Variants in KIAA0232 observed in about 807,000 individuals in gnomAD.
The protein encoded by KIAA0232 is KIAA0232, also known as uncharacterized protein KIAA0232.
Under a neutral mutation model 122.0 loss-of-function variants are expected in KIAA0232, and 27 were observed. The observed-to-expected ratio is 0.22, with a 90% confidence interval of 0.16 to 0.31. KIAA0232 has a LOEUF of 0.31. Among genes scored for constraint, KIAA0232 ranks in the 10% least tolerant of loss-of-function variants. KIAA0232 has a pLI of 1.00. For missense variants in KIAA0232, 1,551 were observed against 1,634.2 expected, an observed-to-expected ratio of 0.95 and a Z score of 0.88; for synonymous variants, 613 against 587.6, an observed-to-expected ratio of 1.04 and a Z score of -0.63.
intron 3 of KIAA0232, among the ~76,000 whole-genome samples, chr4:6,834,091 CTTA>C (rs200222869): frequency 6.6e-6 from 1 of 151,966 alleles, no homozygotes; most frequent in Non-Finnish European, 1.5e-5. Context: ...CATTTCTTTT[CTTA>C]TTATTATTAT....
At chr4:6,795,968 A>G (rs983543995) in intron 1 of KIAA0232, among the ~76,000 whole-genome samples, 2 of 152,168 alleles carry the variant, frequency 1.3e-5, no homozygotes, top group Non-Finnish European at 2.9e-5. Context: ...ATGGAAATAG[A>G]GAAGTCCAAG....
intron 2 of KIAA0232, among the ~76,000 whole-genome samples, chr4:6,806,463 G>A (rs1408380072): frequency 3.3e-5 from 5 of 152,020 alleles, no homozygotes; most frequent in Non-Finnish European, 5.9e-5. Context: ...GAGGCCTGGC[G>A]GTGGCTCATG....
chr4:6,807,295 T>C (rs904766256), intron 2 of KIAA0232, among the ~76,000 whole-genome samples: 1 of 152,246 alleles, frequency 6.6e-6, no homozygotes, highest in Non-Finnish European at 1.5e-5. Flanking sequence ...TCTCTTGCTA[T>C]CAAGTAGTAA....
intron 1 of KIAA0232, among the ~76,000 whole-genome samples, chr4:6,797,685 G>C (rs1471680519): frequency 6.6e-6 from 1 of 150,990 alleles, no homozygotes; most frequent in Non-Finnish European, 1.5e-5. Flanking sequence ...AGGATTGCTT[G>C]AGCCCAGGAA....
chr4:6,863,497 T>G lies in KIAA0232; in HGVS notation c.3115T>G (p.Phe1039Val). 3 of 1,614,168 alleles carry G rather than the reference T, an allele frequency of 1.9e-6. No individual in the cohort carries two copies. The highest frequency in any genetic ancestry group is 2.2e-5 in the East Asian group (1 of 44,886). Residue 1039 changes from phenylalanine to valine, a missense_variant, in exon 7 of 10, where the codon TTT becomes GTT. Physicochemically the swap from Phe to Val is conservative, Grantham distance 50 (BLOSUM62 -1). Transcript: ENST00000307659. Reference sequence around the variant, plus strand: ...CGAAGATCCTGGACTTGAATACTCATTTTCTTCCTTTGACTTAAGCAATCC... The same window carrying G: ...CGAAGATCCTGGACTTGAATACTCAGTTTCTTCCTTTGACTTAAGCAATCC... ...QVEDPGLEYS[F>V]SSFDLSNPFS... is the part of the protein sequence containing the mutation.
chr4:6,845,761 G>A (rs1176546451), intron 4 of KIAA0232, among the ~76,000 whole-genome samples: 1 of 152,138 alleles, frequency 6.6e-6, no homozygotes, highest in East Asian at 1.9e-4. Context: ...CCTAGCCTTT[G>A]ACTCACGGTT....
chr4:6,785,478 T>A (rs1012869147), intron 1 of KIAA0232, among the ~76,000 whole-genome samples: 1 of 152,242 alleles, frequency 6.6e-6, no homozygotes, highest in Non-Finnish European at 1.5e-5. Context: ...ATGACACCTG[T>A]TTCACAGAAT....
At chr4:6,851,122 C>A (rs1234124679) in intron 4 of KIAA0232, among the ~76,000 whole-genome samples, 1 of 152,180 alleles carries the variant, frequency 6.6e-6, no homozygotes, top group East Asian at 1.9e-4. Context: ...ATGGCCCTAA[C>A]CAGAATGTTA....
chr4:6,836,335 T>G (rs1258242714), intron 3 of KIAA0232, among the ~76,000 whole-genome samples: 52 of 151,100 alleles, frequency 3.4e-4, no homozygotes, highest in African/African-American at 1.2e-3. Flanking sequence ...TTTTTTGTTT[T>G]GTTTTTTTTT....
chr4:6,842,233 AAG>A, intron 4 of KIAA0232, 29 bp downstream of exon 4: 1 of 1,556,870 alleles, frequency 6.4e-7, no homozygotes, highest in East Asian at 2.4e-5. Context: ...TCTAACACTT[AAG>A]AGAATAAAAG....
At chr4:6,803,448 T>C (rs1287554266) in intron 1 of KIAA0232, among the ~76,000 whole-genome samples, 1 of 152,196 alleles carries the variant, frequency 6.6e-6, no homozygotes. Context: ...GTTATCTGGT[T>C]ACTGGTAGTT....
chr4:6,783,862 A>G (rs1270683257), intron 1 of KIAA0232, among the ~76,000 whole-genome samples: 1 of 152,054 alleles, frequency 6.6e-6, no homozygotes, highest in Admixed American at 6.5e-5. Context: ...TTCCAACAAT[A>G]CGCGTCTGCA....
intron 2 of KIAA0232, 73 bp from the exon 3 acceptor site, chr4:6,824,112 T>C: frequency 2.4e-6 from 1 of 417,732 alleles, no homozygotes; most frequent in Admixed American, 3.9e-5. Flanking sequence ...TTATTTGATT[T>C]TTTTTCCTCA....
chr4:6,858,229 C>G (rs995761651), intron 5 of KIAA0232, among the ~76,000 whole-genome samples, 196 bp from the exon 6 acceptor site: 2 of 152,150 alleles, frequency 1.3e-5, no homozygotes, highest in African/African-American at 4.8e-5. Context: ...TGGCCTAATG[C>G]TAATGTGGTT....
intron 3 of KIAA0232, among the ~76,000 whole-genome samples, chr4:6,839,515 G>A (rs977187208): frequency 6.6e-6 from 1 of 152,176 alleles, no homozygotes; most frequent in African/African-American, 2.4e-5. Flanking sequence ...GAGAAAACTA[G>A]GGATGGTCCC....
Position 6,861,036 on chromosome 4 carries a change from T to C in KIAA0232, c.654T>C (p.Asp218=). Residue 218 remains aspartate, a synonymous_variant, in exon 7 of 10, where the codon GAT becomes GAC. Transcript: ENST00000307659. ...SSSTAPPAST[D]TSSPKDCNSE... ...CCACAGCCCCACCAGCTAGCACAGA[T>C]ACTTCCTCTCCTAAGGACTGCAACA... 6.2e-7 allele frequency: 1 copy of C among 1,614,204 alleles called. No homozygotes were observed. Among genetic ancestry groups the C allele is most frequent in the East Asian group, 2.2e-5 (1 of 44,894 alleles).
At chr4:6,783,956 T>C (rs1716490370) in intron 1 of KIAA0232, among the ~76,000 whole-genome samples, 2 of 152,136 alleles carry the variant, frequency 1.3e-5, no homozygotes, top group African/African-American at 4.8e-5. Flanking sequence ...TGCCCTAGAA[T>C]TCAGCTTGCG....
At chr4:6,798,984 T>G (rs562825798) in intron 1 of KIAA0232, among the ~76,000 whole-genome samples, 1 of 152,274 alleles carries the variant, frequency 6.6e-6, no homozygotes, top group African/African-American at 2.4e-5. Context: ...CTTTGATGGA[T>G]GGCTTTTAAC....
intron 2 of KIAA0232, among the ~76,000 whole-genome samples, chr4:6,823,026 G>A (rs567045867): frequency 6.6e-6 from 1 of 150,472 alleles, no homozygotes; most frequent in Non-Finnish European, 1.5e-5. Context: ...AGAATATGTG[G>A]TGTTTGGTTT....
Sources: allele counts gnomAD v4.1 joint callset (sites outside exome capture counted in the v4.1 genomes callset), GRCh38; gene constraint gnomAD v4.1.1; transcripts MANE v1.5; gene names NCBI Gene and HGNC (gene_info 2026-07-23, HGNC 2026-07-21).